DIS3L2: variants seen among roughly 807,000 people sequenced by gnomAD.
The protein encoded by DIS3L2 is DIS3-like exonuclease 2.
Under a neutral mutation model 97.5 loss-of-function variants are expected in DIS3L2, and 34 were observed. The observed-to-expected ratio is 0.35, with a 90% CI of 0.27 to 0.46. The LOEUF (loss-of-function observed/expected upper bound fraction) is 0.46. DIS3L2 is among the 20% of genes least tolerant of loss of function. The pLI, the probability that DIS3L2 is intolerant of heterozygous loss-of-function variation, is 1.00. For synonymous variants in DIS3L2, 435 were observed against 445.2 expected (o/e 0.98, Z 0.29); for missense variants, 1,038 against 1,146.0 (o/e 0.91, Z 1.36).
At chr2:232,022,210 A>G (rs905824886) in intron 3 of DIS3L2, among the ~76,000 whole-genome samples, 8 of 152,138 alleles carry the variant, frequency 5.3e-5, no homozygotes, top group Non-Finnish European at 1.0e-4. Context: ...CTGCTTTCTT[A>G]GTGTGATCTG....
At chr2:232,157,092 G>A (rs893057959) in intron 8 of DIS3L2, among the ~76,000 whole-genome samples, 2 of 151,842 alleles carry the variant, frequency 1.3e-5, no homozygotes, top group African/African-American at 4.8e-5. Flanking sequence ...TTGCACATAA[G>A]TTTTTTTTGG....
At chr2:232,014,362 T>C (rs1393488165) in intron 1 of DIS3L2, among the ~76,000 whole-genome samples, 1 of 152,194 alleles carries the variant, frequency 6.6e-6, no homozygotes, top group Non-Finnish European at 1.5e-5. Context: ...TTAGGTTTTG[T>C]TGGTGGATTC....
At chr2:232,284,258 T>C (rs944764821) in intron 13 of DIS3L2, among the ~76,000 whole-genome samples, 9 of 152,134 alleles carry the variant, frequency 5.9e-5, no homozygotes, top group African/African-American at 9.7e-5. Flanking sequence ...TCTCGACTTA[T>C]GGGAAAGCAC....
chr2:232,205,251 T>G (rs1012277608), intron 9 of DIS3L2, among the ~76,000 whole-genome samples: 2 of 149,384 alleles, frequency 1.3e-5, no homozygotes, highest in East Asian at 1.9e-4. Flanking sequence ...ATGCAGTGAA[T>G]TTTTTGTTGT....
At chr2:232,138,266 G>A (rs1698415598) in intron 8 of DIS3L2, among the ~76,000 whole-genome samples, 1 of 152,010 alleles carries the variant, frequency 6.6e-6, no homozygotes, top group African/African-American at 2.4e-5. Flanking sequence ...CAAAAAGGGA[G>A]TCAGGTCTTT....
intron 16 of DIS3L2, among the ~76,000 whole-genome samples, chr2:232,332,170 A>G (rs965650692): frequency 4.0e-5 from 6 of 150,254 alleles, no homozygotes; most frequent in African/African-American, 7.4e-5. Flanking sequence ...CCCTTCATCA[A>G]CCTCACCCAG....
At chr2:232,241,119 T>C (rs1172909033) in intron 11 of DIS3L2, among the ~76,000 whole-genome samples, 1 of 152,248 alleles carries the variant, frequency 6.6e-6, no homozygotes, top group Non-Finnish European at 1.5e-5. Context: ...GCAGCAGCTG[T>C]GCGCTCTGAT....
At chr2:232,014,263 C>T (rs970411118) in intron 1 of DIS3L2, among the ~76,000 whole-genome samples, 15 of 152,234 alleles carry the variant, frequency 9.9e-5, no homozygotes, top group African/African-American at 3.1e-4. Context: ...GGGGAAGAGA[C>T]GTCTAATTAC....
chr2:232,336,505 C>T lies in DIS3L2; in HGVS notation c.2533C>T (p.Gln845Ter). ...CTTCAGCCTGGTGGAGGTGGTCCTG[C>T]AGGCAGAGTCCACAGCCCTCAAGTA... is the stretch of plus-strand genomic sequence containing the variant. ...TIFSLVEVVL[Q>*]AESTALKYSA... The change falls in exon 21 of 21, where the codon CAG (glutamine) becomes TAG (stop). Residue 845 changes from glutamine to a stop codon, truncating the protein, a stop_gained. Transcript: ENST00000325385. LOFTEE classifies it low-confidence loss of function (END_TRUNC). 3 of 1,611,412 alleles carry T rather than the reference C, an allele frequency of 1.9e-6. No homozygotes were observed. Among genetic ancestry groups the T allele is most frequent in the East Asian group, 2.2e-5 (1 of 44,854 alleles).
chr2:232,327,779 TGGCCATGTGGG>T (rs1695618191), intron 14 of DIS3L2, among the ~76,000 whole-genome samples: 1 of 152,182 alleles, frequency 6.6e-6, no homozygotes, highest in Non-Finnish European at 1.5e-5. Flanking sequence ...GACCCCCAGC[TGGCCATGTGGG>T]GGGCAGGTGG....
chr2:232,034,650 AG>A (rs1162758518), intron 5 of DIS3L2, among the ~76,000 whole-genome samples: 2 of 152,170 alleles, frequency 1.3e-5, no homozygotes, highest in Admixed American at 6.5e-5. Flanking sequence ...TGTATCCCAG[AG>A]ATTCTGGTAC....
rs187030315 is a variant in DIS3L2, at chr2:232,047,187, A to G, written c.366+17107A>G. Among the ~76,000 whole-genome samples, 33 of 152,338 alleles carry G rather than the reference A, an allele frequency of 2.2e-4. No homozygotes were observed. In the East Asian group the frequency reaches 2.7e-3, roughly 12 times the overall value. ...TTATTTCAATATAAAGAGTTTTTGT[A>G]TCTTGAAACACTTCAAAGTGCAAAG... On this transcript the variant is annotated intron_variant, in intron 5 of 20. Coordinates refer to ENST00000325385, the MANE Select transcript of DIS3L2 (RefSeq NM_152383.5).
At chr2:232,120,068 A>G (rs1697850878) in intron 6 of DIS3L2, among the ~76,000 whole-genome samples, 2 of 152,096 alleles carry the variant, frequency 1.3e-5, no homozygotes, top group African/African-American at 4.8e-5. Context: ...CATAGAATTC[A>G]TATACCCAGC....
At chr2:232,196,854 A>G (rs1458071901) in intron 9 of DIS3L2, among the ~76,000 whole-genome samples, 2 of 151,872 alleles carry the variant, frequency 1.3e-5, no homozygotes, top group Non-Finnish European at 2.9e-5. Context: ...TAGCTTTTAT[A>G]GAAGGGAGCT....
chr2:232,155,461 A>G (rs1690464586), intron 8 of DIS3L2, among the ~76,000 whole-genome samples: 2 of 152,194 alleles, frequency 1.3e-5, no homozygotes, highest in Non-Finnish European at 2.9e-5. Flanking sequence ...TGAGAACTAT[A>G]TTCCCTGAGT....
chr2:232,001,678 G>A (rs919943435), intron 1 of DIS3L2, among the ~76,000 whole-genome samples: 4 of 129,188 alleles, frequency 3.1e-5, no homozygotes, highest in Non-Finnish European at 6.6e-5. Flanking sequence ...TTTCCCAGTG[G>A]TTTTCAGTGT....
intron 5 of DIS3L2, among the ~76,000 whole-genome samples, chr2:232,039,575 A>G (rs1236004253): frequency 6.6e-5 from 10 of 152,306 alleles, no homozygotes; most frequent in Non-Finnish European, 1.5e-4. Context: ...ATGAGTATCA[A>G]GCTGTGAGGC....
intron 9 of DIS3L2, among the ~76,000 whole-genome samples, chr2:232,200,159 G>A (rs1403880295): frequency 6.6e-6 from 1 of 152,124 alleles, no homozygotes; most frequent in Non-Finnish European, 1.5e-5. Flanking sequence ...ATGGAATGGG[G>A]GAGATAAGAA....
chr2:232,341,891 C>T (rs566796517), downstream of DIS3L2, among the ~76,000 whole-genome samples: 10 of 152,350 alleles, frequency 6.6e-5, no homozygotes, highest in African/African-American at 2.4e-4. Context: ...GGCCCACTCT[C>T]AGCCCACAGC....
Sources: allele counts gnomAD v4.1 joint callset (sites outside exome capture counted in the v4.1 genomes callset), GRCh38; gene constraint gnomAD v4.1.1; transcripts MANE v1.5; gene names NCBI Gene and HGNC (gene_info 2026-07-23, HGNC 2026-07-21).